Variants in NF2 observed in about 807,000 individuals in gnomAD.
The protein encoded by NF2 is merlin.
Under a neutral mutation model 83.7 loss-of-function variants are expected in NF2, and 8 were observed. The observed-to-expected ratio is 0.10, with a 90% CI of 0.06 to 0.17. The LOEUF (loss-of-function observed/expected upper bound fraction) is 0.17. Ranked by LOEUF, NF2 falls within the 10% of genes least tolerant of loss-of-function variation. The probability of loss-of-function intolerance (pLI) is 1.00; values close to 1 mark genes in which losing one functional copy is unlikely to be tolerated. For synonymous variants in NF2, 266 were observed against 269.6 expected (o/e 0.99, Z 0.13); for missense variants, 533 against 744.4 (o/e 0.72, Z 3.31).
chr22:29,695,136 C>T lies in NF2; in HGVS notation c.*334C>T, dbSNP rs1031000471. ...TCTTGCACTCCAGAGCTGACCTCCA[C>T]CGCCCAGCCTGGGAAGTCATTGTAG... On this transcript the variant is annotated 3_prime_UTR_variant, in exon 16 of 16. Coordinates refer to ENST00000338641, the MANE Select transcript of NF2 (RefSeq NM_000268.4). The surrounding 1 kb of genome is among the most constrained non-coding windows in gnomAD (Gnocchi z 5.4). 1 of 478,170 alleles carries T rather than the reference C, an allele frequency of 2.1e-6. No individual in the cohort carries two copies. The highest frequency in any genetic ancestry group is 1.9e-5 in the African/African-American group (1 of 52,026). 29.6% of individuals were successfully genotyped at this position (478,170 alleles called of 1,614,324 possible).
intron 1 of NF2, among the ~76,000 whole-genome samples, chr22:29,619,308 G>A (rs1416747074): frequency 6.6e-6 from 1 of 152,104 alleles, no homozygotes; most frequent in Non-Finnish European, 1.5e-5. Flanking sequence ...GCCTCCCAAA[G>A]TGCTGGGATT....
intron 4 of NF2, among the ~76,000 whole-genome samples, chr22:29,647,271 T>A (rs2066009236): frequency 6.6e-6 from 1 of 152,174 alleles, no homozygotes; most frequent in African/African-American, 2.4e-5. Context: ...AAGGGAAGCT[T>A]AGTTTCTTAG....
Position 29,668,249 on chromosome 22 carries a change from C to G in NF2, c.886-84C>G, listed in dbSNP as rs190841073. The G allele has an allele frequency of 4.5e-4, 434 of 967,002 alleles. No individual in the cohort carries two copies. In the East Asian group the frequency reaches 9.9e-3, roughly 22 times the overall value. 59.9% of individuals were successfully genotyped at this position (967,002 alleles called of 1,614,324 possible). ...ACGTTTACTGCTACCTGCAAGAGCT[C>G]AAACTGCTATGGCACTAGTGGGCCA... is the stretch of plus-strand genomic sequence containing the variant. On this transcript the variant is annotated intron_variant, in intron 9 of 15. Coordinates refer to ENST00000338641, the MANE Select transcript of NF2 (RefSeq NM_000268.4).
chr22:29,664,905 T>A lies in NF2; in HGVS notation c.811-85T>A, dbSNP rs544840565. The stretch of plus-strand genomic sequence containing the variant: ...TAACTTCATGCTGGTCTGTGGCCAG[T>A]GTGGTTGCGCATTTGTGGAATTTCC... On this transcript the variant is annotated intron_variant, in intron 8 of 15. Transcript: ENST00000338641. The A allele has an allele frequency of 5.4e-6, 5 of 931,782 alleles. No homozygotes were observed. The Admixed American group carries it at 9.6e-5, about 18-fold the overall frequency. 57.7% of individuals were successfully genotyped at this position (931,782 alleles called of 1,614,324 possible).
chr22:29,641,030 G>GTC (rs944827563), intron 3 of NF2, among the ~76,000 whole-genome samples: 1 of 152,222 alleles, frequency 6.6e-6, no homozygotes, highest in Non-Finnish European at 1.5e-5. Context: ...CTACTTGGGA[G>GTC]ACTGAGGCAG....
chr22:29,606,355 C>T (rs2064796989), intron 1 of NF2, among the ~76,000 whole-genome samples: 2 of 152,222 alleles, frequency 1.3e-5, no homozygotes, highest in African/African-American at 4.8e-5. Context: ...TTGCTCATCC[C>T]CCAGTTCTTG....
At chr22:29,606,412 G>C (rs1209124072) in intron 1 of NF2, among the ~76,000 whole-genome samples, 1 of 152,216 alleles carries the variant, frequency 6.6e-6, no homozygotes. Context: ...CTTCCACCAA[G>C]TGCTCAGTTC....
At chr22:29,641,916 A>G (rs1442721206) in intron 3 of NF2, among the ~76,000 whole-genome samples, 1 of 152,190 alleles carries the variant, frequency 6.6e-6, no homozygotes, top group Non-Finnish European at 1.5e-5. Context: ...GCGCTCTGTC[A>G]CACAGCCTCT....
intron 11 of NF2, 25 bp from the exon 12 acceptor site, chr22:29,673,244 C>T (rs540733695): frequency 1.3e-6 from 2 of 1,553,500 alleles, no homozygotes; most frequent in African/African-American, 2.7e-5. Context: ...GATCCCACTT[C>T]AGCTAAGAGC....
At chr22:29,609,491 C>T in intron 1 of NF2, 1 of 291,076 alleles carries the variant, frequency 3.4e-6, no homozygotes, top group Non-Finnish European at 7.0e-6. Flanking sequence ...CAGAAAGATT[C>T]TCTTGATTGA....
chr22:29,683,130 T>A, intron 15 of NF2: 1 of 1,613,258 alleles, frequency 6.2e-7, no homozygotes, highest in South Asian at 1.1e-5. Context: ...AACCCGTGCA[T>A]GAGCTTGCCT....
intron 11 of NF2, among the ~76,000 whole-genome samples, chr22:29,672,320 T>G (rs912205124): frequency 9.3e-5 from 14 of 150,634 alleles, no homozygotes; most frequent in African/African-American, 2.7e-4. Flanking sequence ...TTTTTTTTTT[T>G]TTTTTTTTTG....
intron 4 of NF2, among the ~76,000 whole-genome samples, chr22:29,642,490 ATGTG>A (rs368064281): frequency 6.6e-6 from 1 of 151,298 alleles, no homozygotes; most frequent in South Asian, 2.1e-4. Context: ...GTGTGTGTGT[ATGTG>A]TGTGTGTGGT....
At chr22:29,686,635 A>G (rs181888230) in intron 15 of NF2, among the ~76,000 whole-genome samples, 2 of 152,328 alleles carry the variant, frequency 1.3e-5, no homozygotes, top group African/African-American at 2.4e-5. Context: ...GCAAGATTCC[A>G]TCTCATAAAT....
chr22:29,657,617 A>T (rs962346408), intron 6 of NF2, among the ~76,000 whole-genome samples: 1 of 152,194 alleles, frequency 6.6e-6, no homozygotes, highest in Non-Finnish European at 1.5e-5. Context: ...TCAGTATGAT[A>T]CCTGTTTGGG....
chr22:29,623,607 T>C (rs141579581), intron 1 of NF2, among the ~76,000 whole-genome samples: 8 of 152,240 alleles, frequency 5.3e-5, no homozygotes, highest in African/African-American at 1.9e-4. Context: ...AGGCTCAAGA[T>C]TCAGGAGATT....
chr22:29,633,966 C>T (rs2065581879), intron 1 of NF2, among the ~76,000 whole-genome samples: 1 of 152,168 alleles, frequency 6.6e-6, no homozygotes, highest in South Asian at 2.1e-4. Context: ...TGTAAACGAG[C>T]AATATCTGAC....
chr22:29,631,275 C>T (rs1322622224), intron 1 of NF2, among the ~76,000 whole-genome samples: 1 of 152,194 alleles, frequency 6.6e-6, no homozygotes, highest in Admixed American at 6.5e-5. Context: ...CGTGACCTCC[C>T]TATTGTCAGC....
intron 1 of NF2, among the ~76,000 whole-genome samples, chr22:29,629,593 C>T (rs777579289): frequency 7.9e-5 from 12 of 152,228 alleles, no homozygotes; most frequent in Non-Finnish European, 1.5e-4. Context: ...ACGGCAGACA[C>T]GTGGCACATG....
Sources: gnomAD v4.1 joint callset for allele counts (sites outside exome capture counted in the v4.1 genomes callset) on GRCh38, gnomAD v4.1.1 for gene constraint, Gnocchi (gnomAD v3.1) non-coding constraint, MANE v1.5 for transcripts, NCBI Gene and HGNC (gene_info 2026-07-23, HGNC 2026-07-21) for gene names.